Variants in ABTB3 observed in about 807,000 individuals in gnomAD.
ABTB3 encodes the protein ankyrin repeat- and BTB/POZ domain-containing protein 3.
chr12:107,445,210 A>G, the ABTB3 span, among the ~76,000 whole-genome samples: 2 of 152,306 alleles, frequency 1.3e-5, no homozygotes, highest in Admixed American at 1.3e-4. Context: ...GTCAACCCAC[A>G]AGCACTTAGC....
At chr12:107,540,272 G>C in the ABTB3 span, among the ~76,000 whole-genome samples, 2 of 152,186 alleles carry the variant, frequency 1.3e-5, no homozygotes, top group Non-Finnish European at 2.9e-5. Context: ...GCAGGAGGTG[G>C]AAGGGCAAGA....
the ABTB3 span, among the ~76,000 whole-genome samples, chr12:107,468,346 A>T: frequency 1.3e-4 from 20 of 152,104 alleles, no homozygotes; most frequent in African/African-American, 4.8e-4. Flanking sequence ...GGAGAGAGGG[A>T]AGCTGACCAG....
the ABTB3 span, among the ~76,000 whole-genome samples, chr12:107,336,949 C>T: frequency 6.6e-6 from 1 of 152,252 alleles, no homozygotes; most frequent in Non-Finnish European, 1.5e-5. Flanking sequence ...GGTTAACTGG[C>T]TGGGAGTCTT....
chr12:107,618,348 G>A, the ABTB3 span: 38 of 1,613,320 alleles, frequency 2.4e-5, no homozygotes, highest in Admixed American at 1.7e-4. Context: ...GCATGGCTAC[G>A]TGGATGTCAC....
At chr12:107,616,276 C>T in the ABTB3 span, among the ~76,000 whole-genome samples, 1 of 152,306 alleles carries the variant, frequency 6.6e-6, no homozygotes, top group Non-Finnish European at 1.5e-5. Context: ...AGTCAGGCAA[C>T]CACCCTGCCG....
the ABTB3 span, among the ~76,000 whole-genome samples, chr12:107,506,854 A>G: frequency 6.6e-6 from 1 of 152,246 alleles, no homozygotes; most frequent in African/African-American, 2.4e-5. Flanking sequence ...ATGAGAATAC[A>G]TAGAAAGTTC....
the ABTB3 span, among the ~76,000 whole-genome samples, chr12:107,418,759 G>A: frequency 6.6e-6 from 1 of 152,214 alleles, no homozygotes; most frequent in South Asian, 2.1e-4. Flanking sequence ...GCTTCTCTAA[G>A]ACTCAGATAT....
the ABTB3 span, among the ~76,000 whole-genome samples, chr12:107,554,079 A>G: frequency 1.3e-5 from 2 of 152,198 alleles, no homozygotes; most frequent in African/African-American, 4.8e-5. Context: ...ATGAGCGTCT[A>G]CTATGTGTCA....
At chr12:107,485,164 A>G in the ABTB3 span, among the ~76,000 whole-genome samples, 1 of 152,178 alleles carries the variant, frequency 6.6e-6, no homozygotes, top group Non-Finnish European at 1.5e-5. Context: ...CACAGGATGC[A>G]TATGTGGCAA....
At chr12:107,479,326 A>G in the ABTB3 span, among the ~76,000 whole-genome samples, 1 of 151,894 alleles carries the variant, frequency 6.6e-6, no homozygotes, top group Non-Finnish European at 1.5e-5. Context: ...ACCCCCTGTT[A>G]GGGCACGAGG....
At chr12:107,349,184 G>A in the ABTB3 span, among the ~76,000 whole-genome samples, 1 of 152,226 alleles carries the variant, frequency 6.6e-6, no homozygotes, top group African/African-American at 2.4e-5. Flanking sequence ...CTCAGGATGA[G>A]CAGCCTGTTC....
chr12:107,581,798 G>A, the ABTB3 span, among the ~76,000 whole-genome samples: 1 of 152,118 alleles, frequency 6.6e-6, no homozygotes. Flanking sequence ...CCACTCAGGG[G>A]CCCCCATGCG....
the ABTB3 span, among the ~76,000 whole-genome samples, chr12:107,379,236 G>T: frequency 6.6e-6 from 1 of 152,136 alleles, no homozygotes; most frequent in African/African-American, 2.4e-5. Context: ...CTGGTTGTTG[G>T]CATTGCTCTT....
At chr12:107,629,063 G>A in the ABTB3 span, among the ~76,000 whole-genome samples, 1 of 152,164 alleles carries the variant, frequency 6.6e-6, no homozygotes. Flanking sequence ...GAGGAAAGAT[G>A]TCACCCCCCA....
At chr12:107,328,366 C>T in the ABTB3 span, among the ~76,000 whole-genome samples, 1 of 152,336 alleles carries the variant, frequency 6.6e-6, no homozygotes, top group African/African-American at 2.4e-5. Flanking sequence ...CCTAGCATCT[C>T]ATATGCACTT....
chr12:107,539,729 G>T, the ABTB3 span, among the ~76,000 whole-genome samples: 1 of 152,170 alleles, frequency 6.6e-6, no homozygotes, highest in African/African-American at 2.4e-5. Context: ...TGCCAAGTAT[G>T]CCAGGCATTT....
At chr12:107,596,423 G>C in the ABTB3 span, among the ~76,000 whole-genome samples, 1 of 152,120 alleles carries the variant, frequency 6.6e-6, no homozygotes. Flanking sequence ...GACCAGCCTG[G>C]CCAACATGGT....
the ABTB3 span, among the ~76,000 whole-genome samples, chr12:107,425,344 A>G: frequency 6.6e-6 from 1 of 152,210 alleles, no homozygotes; most frequent in African/African-American, 2.4e-5. Flanking sequence ...TACCTACCAT[A>G]TGGATGAATT....
chr12:107,481,897 C>CTCTCTCTA, the ABTB3 span, among the ~76,000 whole-genome samples: 1 of 130,246 alleles, frequency 7.7e-6, no homozygotes. Flanking sequence ...CTCTCTCTCT[C>CTCTCTCTA]TCTCTCTCTC....
Sources: gnomAD v4.1 joint callset for allele counts (sites outside exome capture counted in the v4.1 genomes callset) on GRCh38, gnomAD v4.1.1 for gene constraint, MANE v1.5 for transcripts, NCBI Gene and HGNC (gene_info 2026-07-23, HGNC 2026-07-21) for gene names.